INPP5F: variants seen among roughly 807,000 people sequenced by gnomAD.
INPP5F encodes inositol polyphosphate-5-phosphatase F, also known as phosphatidylinositide 4-phosphatase SAC2.
In INPP5F, 97 loss-of-function variants were observed where a neutral mutation model predicts 137.2. The ratio of observed to expected loss-of-function variants is 0.71; its 90% CI spans 0.60 to 0.84. The LOEUF (loss-of-function observed/expected upper bound fraction) is 0.84, where lower values mean the gene tolerates loss of function less well. INPP5F is among the 40% of genes least tolerant of loss of function. INPP5F has a pLI of 0.00. For missense variants in INPP5F, 1,271 were observed against 1,371.9 expected, an observed-to-expected ratio of 0.93 and a Z score of 1.16; for synonymous variants, 504 against 476.9, an observed-to-expected ratio of 1.06 and a Z score of -0.74.
In INPP5F at chr10:119,726,097, TCTC is replaced by T. The variant is rs1847874298; in HGVS notation, c.-160_-158del. 1 of 379,932 alleles carries T rather than the reference TCTC, an allele frequency of 2.6e-6. No homozygotes were observed. The highest frequency in any genetic ancestry group is 4.6e-6 in the Non-Finnish European group (1 of 216,724). The allele number at this position is 379,932 out of a possible 1,614,324, so 23.5% of individuals were successfully genotyped here. ...TGCCGCCGCCGCTGCCGGGGCGCGT[TCTC>T]CTCCTACCGGTCGGGTGCCCCGGGG... On this transcript the variant is annotated 5_prime_UTR_variant, in exon 1 of 20. Coordinates refer to ENST00000650623, the MANE Select transcript of INPP5F (RefSeq NM_014937.4).
intron 2 of INPP5F, among the ~76,000 whole-genome samples, chr10:119,751,902 A>T (rs74365532): frequency 0.028 from 4,242 of 152,252 alleles, 101 homozygotes; most frequent in Non-Finnish European, 0.042. Flanking sequence ...AAGTCCTGGG[A>T]TTACAGGCAT....
chr10:119,742,139 A>G (rs1848393351), intron 1 of INPP5F, among the ~76,000 whole-genome samples: 1 of 109,796 alleles, frequency 9.1e-6, no homozygotes, highest in Non-Finnish European at 1.9e-5. Flanking sequence ...ACAGCTTTTT[A>G]TTTGTTATTT....
At chr10:119,741,323 G>A (rs1246666432) in intron 1 of INPP5F, among the ~76,000 whole-genome samples, 1 of 152,070 alleles carries the variant, frequency 6.6e-6, no homozygotes, top group African/African-American at 2.4e-5. Context: ...TGGAGGAAGC[G>A]GCTCCTGAAT....
chr10:119,733,010 T>C (rs901593322), intron 1 of INPP5F, among the ~76,000 whole-genome samples: 1 of 152,220 alleles, frequency 6.6e-6, no homozygotes, highest in African/African-American at 2.4e-5. Context: ...TGTTTGACTC[T>C]AAAACCAGGT....
intron 9 of INPP5F, among the ~76,000 whole-genome samples, chr10:119,798,926 C>T (rs941011654): frequency 3.3e-5 from 5 of 151,616 alleles, no homozygotes; most frequent in Non-Finnish European, 5.9e-5. Context: ...CCACTGTGCC[C>T]GGCAGGGTCA....
intron 2 of INPP5F, among the ~76,000 whole-genome samples, chr10:119,777,328 T>G (rs1849557005): frequency 6.6e-6 from 1 of 151,988 alleles, no homozygotes; most frequent in Non-Finnish European, 1.5e-5. Flanking sequence ...GCCAATATGG[T>G]GAAATCCCGT....
intron 1 of INPP5F, among the ~76,000 whole-genome samples, chr10:119,737,307 C>G (rs573203250): frequency 3.9e-5 from 6 of 152,098 alleles, no homozygotes; most frequent in Non-Finnish European, 7.4e-5. Context: ...GTTGTATGTG[C>G]TACAGGCATC....
chr10:119,805,237 A>G, intron 10 of INPP5F, 147 bp from the exon 11 acceptor site: 2 of 593,302 alleles, frequency 3.4e-6, no homozygotes, highest in South Asian at 2.3e-5. Context: ...CTAATTGCCT[A>G]TATAATATAT....
At chr10:119,739,771 A>G (rs1490493219) in intron 1 of INPP5F, among the ~76,000 whole-genome samples, 5 of 151,872 alleles carry the variant, frequency 3.3e-5, no homozygotes, top group Admixed American at 2.0e-4. Context: ...CTGGAACTAC[A>G]GGTGCCTGGC....
chr10:119,788,197 T>C (rs1003154730), intron 3 of INPP5F, among the ~76,000 whole-genome samples: 1 of 152,052 alleles, frequency 6.6e-6, no homozygotes, highest in African/African-American at 2.4e-5. Context: ...GTTGCGCAGT[T>C]CTAGAGATGC....
chr10:119,743,515 G>A (rs1199245451), intron 1 of INPP5F, among the ~76,000 whole-genome samples: 2 of 152,164 alleles, frequency 1.3e-5, no homozygotes, highest in Admixed American at 6.5e-5. Flanking sequence ...TGTGGGTGGA[G>A]TGGGGAATGT....
At chr10:119,778,217 A>G (rs890620927) in intron 2 of INPP5F, among the ~76,000 whole-genome samples, 1 of 152,132 alleles carries the variant, frequency 6.6e-6, no homozygotes, top group African/African-American at 2.4e-5. Context: ...CATGTTGGCC[A>G]GGCTGGTCTT....
intron 16 of INPP5F, among the ~76,000 whole-genome samples, chr10:119,821,701 CCT>C (rs923963288): frequency 1.9e-4 from 28 of 149,566 alleles, no homozygotes; most frequent in East Asian, 2.0e-4. Flanking sequence ...CTTTCTCCCT[CCT>C]CTCTCTCTCT....
intron 6 of INPP5F, among the ~76,000 whole-genome samples, 161 bp from the exon 7 acceptor site, chr10:119,796,554 G>T (rs1182760877): frequency 6.6e-6 from 1 of 152,166 alleles, no homozygotes; most frequent in Admixed American, 6.5e-5. Flanking sequence ...TCCTCTGTCC[G>T]TTCCTTACGT....
intron 16 of INPP5F, among the ~76,000 whole-genome samples, chr10:119,821,598 G>A (rs1006999033): frequency 6.6e-6 from 1 of 152,030 alleles, no homozygotes; most frequent in Non-Finnish European, 1.5e-5. Context: ...GATGCCTGTT[G>A]GCATATATCA....
chr10:119,819,294 CTT>C (rs1851444656), intron 15 of INPP5F: 2 of 445,452 alleles, frequency 4.5e-6, no homozygotes, highest in Non-Finnish European at 2.7e-6. Flanking sequence ...GCAGCTAAGA[CTT>C]CAGTAAAATT....
In INPP5F at chr10:119,823,996, A is replaced by C. The variant is rs1249757146; in HGVS notation, c.2249+94A>C. On this transcript the variant is annotated intron_variant, in intron 19 of 19. Coordinates refer to ENST00000650623, the MANE Select transcript of INPP5F (RefSeq NM_014937.4). ...GCAGGGGGAAAGGGGAGGAGATCAC[A>C]TTATGGTAAGGTGTTGGTATTTAGA... The C allele has an allele frequency of 4.6e-6, 4 of 868,678 alleles. No homozygotes were observed. The African/African-American group carries it at 6.7e-5, about 15-fold the overall frequency. The allele number at this position is 868,678 out of a possible 1,614,324, so 53.8% of individuals were successfully genotyped here.
chr10:119,794,844 G>A, intron 6 of INPP5F, among the ~76,000 whole-genome samples: 1 of 113,814 alleles, frequency 8.8e-6, no homozygotes, highest in Admixed American at 8.1e-5. Context: ...GGCCGGGCGG[G>A]GGTCTGACCC....
intron 15 of INPP5F, chr10:119,815,503 G>T: frequency 5.7e-6 from 1 of 174,974 alleles, no homozygotes; most frequent in South Asian, 1.4e-4. Flanking sequence ...ATCAATGTAG[G>T]AATCATTAGC....
Sources: gnomAD v4.1 joint callset for allele counts (sites outside exome capture counted in the v4.1 genomes callset) on GRCh38, gnomAD v4.1.1 for gene constraint, MANE v1.5 for transcripts, NCBI Gene and HGNC (gene_info 2026-07-23, HGNC 2026-07-21) for gene names.